The following CDH8 variants were observed in gnomAD, a reference collection of about 807,000 sequenced individuals.
CDH8 encodes the protein cadherin-8.
CDH8 carries 17 observed loss-of-function variants against 68.1 expected under a neutral mutation model. That is an observed-to-expected ratio of 0.25 (90% CI 0.17 to 0.37). CDH8 has a LOEUF of 0.37. CDH8 is among the 10% of genes least tolerant of loss of function. CDH8 has a pLI of 1.00. For synonymous variants in CDH8, 372 were observed against 365.1 expected, an observed-to-expected ratio of 1.02 and a Z score of -0.21; for missense variants, 763 against 999.3, an observed-to-expected ratio of 0.76 and a Z score of 3.19.
intron 6 of CDH8, among the ~76,000 whole-genome samples, chr16:61,820,158 TC>T (rs1962175587): frequency 2.0e-5 from 3 of 151,870 alleles, no homozygotes. Flanking sequence ...CAATGGTACC[TC>T]CCTATCCAGA....
At chr16:61,935,654 C>T (rs760665019) in intron 2 of CDH8, among the ~76,000 whole-genome samples, 1 of 151,904 alleles carries the variant, frequency 6.6e-6, no homozygotes, top group Non-Finnish European at 1.5e-5. Context: ...TTCTCTTTGG[C>T]TTTATGCTTA....
Position 61,846,182 on chromosome 16 carries a change from T to C in CDH8, c.667+10937A>G, listed in dbSNP as rs948646199. 2.6e-5 allele frequency among the ~76,000 whole-genome samples: 4 copies of C among 152,182 alleles called. No homozygotes were observed. In the East Asian group the frequency reaches 7.7e-4, roughly 29 times the overall value. ...ACTAATGATACTGGTAATTCAAGAA[T>C]GTTCCATTAAGTTTCCACTTCCCTT... On this transcript the variant is annotated intron_variant, in intron 4 of 11. Transcript: ENST00000577390.
intron 3 of CDH8, among the ~76,000 whole-genome samples, chr16:61,888,656 T>C (rs1461069836): frequency 1.3e-5 from 2 of 152,188 alleles, no homozygotes; most frequent in Non-Finnish European, 2.9e-5. Context: ...TGTAGAATGC[T>C]TAGGATAGCA....
At chr16:61,729,994 T>C (rs575963126) in intron 8 of CDH8, among the ~76,000 whole-genome samples, 3 of 136,638 alleles carry the variant, frequency 2.2e-5, no homozygotes, top group Admixed American at 2.2e-4. Context: ...CACGTGTGCA[T>C]GCACACACAC....
At chr16:61,932,178 G>A (rs1378466703) in intron 2 of CDH8, among the ~76,000 whole-genome samples, 1 of 149,020 alleles carries the variant, frequency 6.7e-6, no homozygotes, top group East Asian at 2.0e-4. Context: ...CTGCACTCCA[G>A]GCCTGGGCCA....
intron 2 of CDH8, among the ~76,000 whole-genome samples, chr16:62,008,974 AC>A (rs1240970729): frequency 6.6e-6 from 1 of 151,898 alleles, no homozygotes; most frequent in Non-Finnish European, 1.5e-5. Flanking sequence ...CATGAGTATG[AC>A]AAAAGGCAAA....
chr16:61,926,651 G>A (rs1333149281), intron 2 of CDH8, among the ~76,000 whole-genome samples: 1 of 152,214 alleles, frequency 6.6e-6, no homozygotes, highest in Admixed American at 6.5e-5. Context: ...GCAGAATGCA[G>A]TGTGCTCAGT....
chr16:61,674,900 G>A (rs1596854565), intron 10 of CDH8, among the ~76,000 whole-genome samples: 1 of 150,272 alleles, frequency 6.7e-6, no homozygotes, highest in East Asian at 2.0e-4. Flanking sequence ...TGAAGACATT[G>A]CAATAGCAAC....
Position 61,817,937 on chromosome 16 carries a change from T to C in CDH8, c.1024-205A>G, listed in dbSNP as rs558849095. 6.3e-6 allele frequency: 3 copies of C among 474,946 alleles called. No homozygotes were observed. The South Asian group carries it at 1.3e-4, about 20-fold the overall frequency. The allele number at this position is 474,946 out of a possible 1,614,324, so 29.4% of individuals were successfully genotyped here. On this transcript the variant is annotated intron_variant, in intron 6 of 11. Transcript: ENST00000577390. Reference sequence around the variant, plus strand: ...GTTTATTATATAAGCTCAGTGAATCTAATCTCCTATTGTTTTGTTTTGCTC... The same window carrying C: ...GTTTATTATATAAGCTCAGTGAATCCAATCTCCTATTGTTTTGTTTTGCTC...
intron 8 of CDH8, among the ~76,000 whole-genome samples, chr16:61,775,720 C>T (rs779835539): frequency 1.3e-5 from 2 of 152,040 alleles, no homozygotes; most frequent in South Asian, 2.1e-4. Flanking sequence ...CCGGACTAAA[C>T]GGCCCACCAT....
At chr16:61,755,328 C>A (rs1443059041) in intron 8 of CDH8, among the ~76,000 whole-genome samples, 1 of 152,004 alleles carries the variant, frequency 6.6e-6, no homozygotes, top group Admixed American at 6.6e-5. Flanking sequence ...AACTGTGTGA[C>A]TATGATTATT....
chr16:62,006,647 A>G (rs1965981077), intron 2 of CDH8, among the ~76,000 whole-genome samples: 1 of 152,124 alleles, frequency 6.6e-6, no homozygotes, highest in African/African-American at 2.4e-5. Context: ...TTAAAAATGT[A>G]TTTGCTCACC....
intron 7 of CDH8, among the ~76,000 whole-genome samples, chr16:61,790,469 A>T (rs1331758508): frequency 6.6e-6 from 1 of 152,030 alleles, no homozygotes; most frequent in Non-Finnish European, 1.5e-5. Context: ...TGCCCAAAGA[A>T]GGATATATGC....
chr16:61,759,766 C>T (rs1960417120), intron 8 of CDH8, among the ~76,000 whole-genome samples: 1 of 152,000 alleles, frequency 6.6e-6, no homozygotes, highest in Admixed American at 6.6e-5. Flanking sequence ...ATTTTGTGGC[C>T]AAAGGTCAAC....
At position 61,677,018 on chromosome 16, in the gene CDH8, C is replaced by T. The variant is rs534633232; in HGVS notation, c.1655-21297G>A. 2.0e-5 allele frequency among the ~76,000 whole-genome samples: 3 copies of T among 151,962 alleles called. 1 individual carries two copies. The South Asian group carries it at 6.2e-4, about 32-fold the overall frequency. ...AGAGGTTTATTGTAAGTCAACTATA[C>T]CACAAAAAAAGATGGCTTTTTATAA... On this transcript the variant is annotated intron_variant, in intron 10 of 11. Coordinates refer to ENST00000577390, the MANE Select transcript of CDH8 (RefSeq NM_001796.5).
At chr16:61,977,508 A>T (rs188246814) in intron 2 of CDH8, among the ~76,000 whole-genome samples, 3 of 152,252 alleles carry the variant, frequency 2.0e-5, no homozygotes, top group Admixed American at 1.3e-4. Flanking sequence ...CTTATCTATA[A>T]AAGTGTGAGT....
chr16:61,892,238 C>T (rs1208029461), intron 3 of CDH8, among the ~76,000 whole-genome samples: 8 of 152,154 alleles, frequency 5.3e-5, no homozygotes, highest in Admixed American at 5.2e-4. Context: ...GCTAAATTAA[C>T]ATGTGGCCTT....
chr16:61,999,418 A>G (rs1274909633), intron 2 of CDH8, among the ~76,000 whole-genome samples: 2 of 152,184 alleles, frequency 1.3e-5, no homozygotes, highest in Non-Finnish European at 2.9e-5. Context: ...CATGAAAATC[A>G]TGGAAGTCAC....
At position 61,648,666 on chromosome 16, in the gene CDH8, A is replaced by G. The variant is rs1963256805; in HGVS notation, c.*4942T>C. On this transcript the variant is annotated 3_prime_UTR_variant, in exon 12 of 12. Transcript: ENST00000577390. Reference sequence around the variant, plus strand: ...TGAGATTGATTAGGTACATTTTATAAATAAAGAAAATAAGTTTGAGAATGC... The same window carrying G: ...TGAGATTGATTAGGTACATTTTATAGATAAAGAAAATAAGTTTGAGAATGC... 1 of 151,930 alleles carries G rather than the reference A, an allele frequency of 6.6e-6. No individual in the cohort carries two copies. Among genetic ancestry groups the G allele is most frequent in the African/African-American group, 2.4e-5 (1 of 41,434 alleles). 9.4% of individuals were successfully genotyped at this position (151,930 alleles called of 1,614,324 possible).
Sources: gnomAD v4.1 joint callset for allele counts (sites outside exome capture counted in the v4.1 genomes callset) on GRCh38, gnomAD v4.1.1 for gene constraint, MANE v1.5 for transcripts, NCBI Gene and HGNC (gene_info 2026-07-23, HGNC 2026-07-21) for gene names.